The following TDRD5 variants were observed in gnomAD, a reference collection of about 807,000 sequenced individuals.
TDRD5 encodes the protein tudor domain-containing protein 5.
Under a neutral mutation model 120.6 loss-of-function variants are expected in TDRD5, and 41 were observed. The ratio of observed to expected loss-of-function variants is 0.34; its 90% CI spans 0.26 to 0.44. TDRD5 has a LOEUF of 0.44. TDRD5 is among the 20% of genes least tolerant of loss of function. The pLI is 1.00. For missense variants in TDRD5, 1,006 were observed against 1,221.2 expected, an observed-to-expected ratio of 0.82 and a Z score of 2.63; for synonymous variants, 430 against 433.7, an observed-to-expected ratio of 0.99 and a Z score of 0.11.
chr1:179,662,085 G>T lies in TDRD5; in HGVS notation c.2323-19G>T. On this transcript the variant is annotated intron_variant, in intron 14 of 17. Transcript: ENST00000444136. ...GAACTATAAATGATAGTTTTTCTTTGTCTTCTGTTACATTTTAGGATGAGA... is the reference window on the plus strand; with the variant it reads ...GAACTATAAATGATAGTTTTTCTTTTTCTTCTGTTACATTTTAGGATGAGA... 6.6e-7 allele frequency: 1 copy of T among 1,513,048 alleles called. No individual in the cohort carries two copies. The highest frequency in any genetic ancestry group is 2.4e-5 in the Admixed American group (1 of 42,126). The allele number at this position is 1,513,048 out of a possible 1,614,324, so 93.7% of individuals were successfully genotyped here. A position where few individuals can be genotyped will look rare whatever the true frequency, so the allele number is the denominator to read the frequency against.
intron 14 of TDRD5, among the ~76,000 whole-genome samples, chr1:179,658,598 C>A (rs1278018929): frequency 1.3e-5 from 2 of 152,072 alleles, no homozygotes; most frequent in African/African-American, 4.8e-5. Context: ...CCTTATTATC[C>A]TTTTGTTATC....
chr1:179,657,409 T>G (rs2102081621), intron 14 of TDRD5, among the ~76,000 whole-genome samples: 1 of 152,306 alleles, frequency 6.6e-6, no homozygotes, highest in South Asian at 2.1e-4. Flanking sequence ...GTATTTTAAT[T>G]GCTAGTATAT....
At chr1:179,686,482 G>A (rs1680719503) in intron 17 of TDRD5, among the ~76,000 whole-genome samples, 1 of 152,160 alleles carries the variant, frequency 6.6e-6, no homozygotes, top group Non-Finnish European at 1.5e-5. Flanking sequence ...ATGTTCATCA[G>A]GGATATTGGT....
intron 14 of TDRD5, among the ~76,000 whole-genome samples, chr1:179,655,217 G>C (rs951370456): frequency 6.6e-6 from 1 of 152,062 alleles, no homozygotes; most frequent in Non-Finnish European, 1.5e-5. Context: ...TGAAAGATGA[G>C]GGCTTAGTTC....
intron 5 of TDRD5, among the ~76,000 whole-genome samples, chr1:179,619,296 G>GA (rs1676722622): frequency 6.6e-6 from 1 of 152,070 alleles, no homozygotes; most frequent in Non-Finnish European, 1.5e-5. Context: ...ATCTTTTCAT[G>GA]TGCTTATTAG....
intron 17 of TDRD5, among the ~76,000 whole-genome samples, chr1:179,680,366 A>G (rs1409330551): frequency 6.6e-6 from 1 of 152,150 alleles, no homozygotes; most frequent in Non-Finnish European, 1.5e-5. Flanking sequence ...TAATTTTTCA[A>G]TCAATTATTG....
chr1:179,623,714 G>A (rs1265630452), intron 6 of TDRD5, among the ~76,000 whole-genome samples: 1 of 140,602 alleles, frequency 7.1e-6, no homozygotes, highest in East Asian at 2.1e-4. Flanking sequence ...GGTTACTGCA[G>A]CCTTGAACTC....
chr1:179,595,681 T>C lies in TDRD5; in HGVS notation c.694T>C (p.Phe232Leu). ...RMKQGSYSTG[F>L]PVAKPCFSQP... ...GAAACAAGGGTCATACTCCACAGGCTTTCCGGTAGCAAAGCCATGCTTTTC... is the reference window on the plus strand; with the variant it reads ...GAAACAAGGGTCATACTCCACAGGCCTTCCGGTAGCAAAGCCATGCTTTTC... Residue 232 changes from phenylalanine (F) to leucine (L), a missense_variant, in exon 4 of 18, where the codon TTT (phenylalanine) becomes CTT (leucine). By Grantham distance (22) the Phe-to-Leu change is conservative. Transcript: ENST00000444136. The C allele has an allele frequency of 1.9e-6, 3 of 1,613,652 alleles. No homozygotes were observed. Among genetic ancestry groups the C allele is most frequent in the Non-Finnish European group, 2.5e-6 (3 of 1,179,788 alleles).
intron 4 of TDRD5, among the ~76,000 whole-genome samples, chr1:179,597,332 C>CTT (rs945509784): frequency 0.011 from 1,433 of 125,548 alleles, 36 homozygotes; most frequent in African/African-American, 0.031. Context: ...TTCTTTTTTT[C>CTT]TTTTTTTTTT....
chr1:179,641,390 C>T (rs930869366), intron 11 of TDRD5, among the ~76,000 whole-genome samples: 12 of 151,968 alleles, frequency 7.9e-5, no homozygotes, highest in African/African-American at 1.2e-4. Context: ...AATAGCCAGG[C>T]GTGGTGGTGG....
intron 6 of TDRD5, among the ~76,000 whole-genome samples, chr1:179,625,095 T>C (rs1163945786): frequency 6.9e-6 from 1 of 145,894 alleles, no homozygotes; most frequent in Admixed American, 7.0e-5. Context: ...CAACAAATGA[T>C]GCTGGAACAA....
chr1:179,688,035 C>T (rs1680843032), intron 17 of TDRD5, among the ~76,000 whole-genome samples: 1 of 152,088 alleles, frequency 6.6e-6, no homozygotes, highest in South Asian at 2.1e-4. Flanking sequence ...GAGCATTTAG[C>T]CCATTTACAT....
rs1677984208 is a variant in TDRD5, at chr1:179,640,455, C to T, written c.1800+10C>T. 6.2e-7 allele frequency: 1 copy of T among 1,613,762 alleles called. No homozygotes were observed. Among genetic ancestry groups the T allele is most frequent in the Non-Finnish European group, 8.5e-7 (1 of 1,179,810 alleles). On this transcript the variant is annotated intron_variant, in intron 11 of 17. Transcript: ENST00000444136. ...GGTGAGACCAGTAGAGGTATGTTTG[C>T]TTGTCTCCCATTTAATCAGCAAACA...
chr1:179,661,242 C>T (rs1679297798), intron 14 of TDRD5, among the ~76,000 whole-genome samples: 1 of 152,142 alleles, frequency 6.6e-6, no homozygotes, highest in Non-Finnish European at 1.5e-5. Flanking sequence ...TGGATGTTTT[C>T]AGCCATATTT....
intron 16 of TDRD5, 105 bp downstream of exon 16, chr1:179,663,596 C>T: frequency 7.1e-7 from 1 of 1,400,064 alleles, no homozygotes; most frequent in South Asian, 1.5e-5. Flanking sequence ...TTGCCTGTCT[C>T]TTAACAGCTT....
intron 17 of TDRD5, among the ~76,000 whole-genome samples, chr1:179,685,855 GTGTATAGTAA>G (rs1216004184): frequency 6.6e-6 from 1 of 151,332 alleles, no homozygotes. Flanking sequence ...TCTGTTATTG[GTGTATAGTAA>G]TGCTTGTGAT....
rs758367971 is a variant in TDRD5, at chr1:179,593,805, C to A, written c.578C>A (p.Ala193Glu). ...SDVISVEQTR[A>E]GSLLMLKKSV... ...GTCATTTCTGTAGAGCAGACCAGAG[C>A]AGGTTCTTTGTTGATGCTAAAGAAG... is the stretch of plus-strand genomic sequence containing the variant. The change falls in exon 3 of 18, where the codon GCA becomes GAA. Residue 193 changes from alanine to glutamate, a missense_variant. Around this residue, in one of 3 missense-constraint regions of TDRD5, gnomAD observed 445 missense variants for 515.5 expected, o/e 0.86. Coordinates refer to ENST00000444136, the MANE Select transcript of TDRD5 (RefSeq NM_001199085.3). 1.2e-6 allele frequency: 2 copies of A among 1,614,224 alleles called. No individual in the cohort carries two copies. The highest frequency in any genetic ancestry group is 3.3e-5 in the Admixed American group (2 of 60,034).
intron 6 of TDRD5, among the ~76,000 whole-genome samples, chr1:179,625,716 C>T (rs905973183): frequency 1.3e-5 from 2 of 152,160 alleles, no homozygotes; most frequent in African/African-American, 4.8e-5. Flanking sequence ...CAGCTTTATA[C>T]ATTATAGCCT....
At chr1:179,668,725 A>G (rs957662620) in intron 16 of TDRD5, among the ~76,000 whole-genome samples, 8 of 147,886 alleles carry the variant, frequency 5.4e-5, no homozygotes, top group East Asian at 2.0e-4. Flanking sequence ...TGCTTTTTCT[A>G]GAGAGTATCT....
Sources: gnomAD v4.1 joint callset for allele counts (sites outside exome capture counted in the v4.1 genomes callset) on GRCh38, gnomAD v4.1.1 for gene constraint, gnomAD v4.1.1 regional missense constraint, MANE v1.5 for transcripts, NCBI Gene and HGNC (gene_info 2026-07-23, HGNC 2026-07-21) for gene names.